The following ATAD3B variants were observed in gnomAD, a reference collection of about 807,000 sequenced individuals.
The protein encoded by ATAD3B is ATPase family AAA domain containing 3B, also known as ATPase family AAA domain-containing protein 3B.
In ATAD3B, 59 loss-of-function variants were observed where a neutral mutation model predicts 70.2. That is an observed-to-expected ratio of 0.84 (90% CI 0.68 to 1.04). The LOEUF (loss-of-function observed/expected upper bound fraction) is 1.04, where lower values mean the gene tolerates loss of function less well. Among genes scored for constraint, ATAD3B ranks in the 50% least tolerant of loss-of-function variants. ATAD3B has a pLI of 0.00. For missense variants in ATAD3B, 961 were observed against 913.4 expected, an observed-to-expected ratio of 1.05 and a Z score of -0.67; for synonymous variants, 423 against 388.6, an observed-to-expected ratio of 1.09 and a Z score of -1.04.
the ATAD3B span, among the ~76,000 whole-genome samples, chr1:1,507,228 C>A: frequency 6.6e-6 from 1 of 152,174 alleles, no homozygotes; most frequent in Non-Finnish European, 1.5e-5. Context: ...GGAATAGAAG[C>A]AGTAAAGCAT....
rs1201372099 is a variant in ATAD3B, at chr1:1,479,247, C to T, written c.444+139C>T. ...GGGTGCTAGAGCAGGGGAAACTACT[C>T]GGACAGACACGCACCAGCACACGTG... On this transcript the variant is annotated intron_variant, in intron 4 of 15. Coordinates refer to ENST00000673477, the MANE Select transcript of ATAD3B (RefSeq NM_031921.6). The T allele has an allele frequency of 3.6e-5, 36 of 997,844 alleles. 3 individuals carry two copies. Among genetic ancestry groups the T allele is most frequent in the East Asian group, 1.7e-4 (6 of 34,618 alleles). 61.8% of individuals were successfully genotyped at this position (997,844 alleles called of 1,614,324 possible). A position where few individuals can be genotyped will look rare whatever the true frequency, so the allele number is the denominator to read the frequency against.
At chr1:1,501,169 A>G (rs891508755), downstream of ATAD3B, among the ~76,000 whole-genome samples, 4 of 151,754 alleles carry the variant, frequency 2.6e-5, no homozygotes, top group Admixed American at 2.0e-4. Context: ...GCTCAGTGCA[A>G]CCTCCACCTC....
intron 1 of ATAD3B, among the ~76,000 whole-genome samples, chr1:1,475,792 C>T (rs531553141): frequency 3.3e-5 from 5 of 151,748 alleles, no homozygotes; most frequent in Admixed American, 2.6e-4. Flanking sequence ...TTCTAATAAC[C>T]GAGAGGCCAC....
At chr1:1,503,935 T>C in the ATAD3B span, among the ~76,000 whole-genome samples, 1 of 152,146 alleles carries the variant, frequency 6.6e-6, no homozygotes, top group Non-Finnish European at 1.5e-5. Flanking sequence ...CTCATTTCTT[T>C]TCACTCAGCA....
rs980414030 is a variant in ATAD3B at position 1,472,934 on chromosome 1, T to G, written c.205+845T>G. Among the ~76,000 whole-genome samples, 20 of 150,434 alleles carry G rather than the reference T, an allele frequency of 1.3e-4. 2 individuals carry two copies. Among genetic ancestry groups the G allele is most frequent in the African/African-American group, 4.7e-4 (19 of 40,860 alleles). ...CTGCAACCTCCGCCTCCGATTCTCC[T>G]GCCGCAGCCTCTCGAGTAGCTGGGA... On this transcript the variant is annotated intron_variant, in intron 1 of 15. Transcript: ENST00000673477.
chr1:1,490,767 G>A, intron 15 of ATAD3B, 96 bp downstream of exon 15: 1 of 1,513,408 alleles, frequency 6.6e-7, no homozygotes, highest in Non-Finnish European at 8.9e-7. Context: ...GTGTCATGTG[G>A]GAGCTTCTGT....
intron 15 of ATAD3B, among the ~76,000 whole-genome samples, chr1:1,494,616 G>A (rs112806684): frequency 0.07 from 10,634 of 151,946 alleles, 474 homozygotes; most frequent in East Asian, 0.14. Context: ...CGGGCACCAC[G>A]TGGTCATCCC....
intron 15 of ATAD3B, among the ~76,000 whole-genome samples, chr1:1,494,147 T>C (rs1640664978): frequency 6.6e-6 from 1 of 151,490 alleles, no homozygotes. Flanking sequence ...GAACATCATG[T>C]GTCACTGTTG....
chr1:1,480,642 G>A (rs1470740989), intron 4 of ATAD3B, among the ~76,000 whole-genome samples: 1 of 147,248 alleles, frequency 6.8e-6, no homozygotes, highest in Admixed American at 6.9e-5. Context: ...CACAGTGGGG[G>A]CTGTTTCTGC....
rs146505120 is a variant in ATAD3B, at chr1:1,495,793, C to A, written c.1923C>A (p.Cys641Ter). 6.3e-7 allele frequency: 1 copy of A among 1,591,202 alleles called. No homozygotes were observed. Residue 641 changes from cysteine (C) to a stop codon, truncating the protein, a stop_gained, in exon 16 of 16, where the codon TGC becomes TGA. Coordinates refer to ENST00000673477, the MANE Select transcript of ATAD3B (RefSeq NM_031921.6). LOFTEE classifies it low-confidence loss of function (END_TRUNC). The stretch of plus-strand genomic sequence containing the variant: ...CTTGTGGTGGCGGTCGGCCGTTCTG[C>A]CCCCCAGGGCACCCCCTGTTGTAGG... ...RMSCGGGRPF[C>*]PPGHPLL
chr1:1,478,128 C>A (rs372554613), intron 2 of ATAD3B: 10 of 222,786 alleles, frequency 4.5e-5, no homozygotes, highest in African/African-American at 1.8e-4. Flanking sequence ...TTCCGAGCAG[C>A]TGGGACTACA....
chr1:1,478,347 C>T, intron 2 of ATAD3B: 1 of 1,354,742 alleles, frequency 7.4e-7, no homozygotes, highest in Non-Finnish European at 9.9e-7. Context: ...CATCACAGTC[C>T]AAAAGTGAGC....
chr1:1,490,753 A>T, intron 15 of ATAD3B, 82 bp downstream of exon 15: 1 of 1,523,190 alleles, frequency 6.6e-7, no homozygotes, highest in Non-Finnish European at 8.8e-7. Context: ...CTGTCCCAGC[A>T]CCGGTGTCAT....
intron 15 of ATAD3B, among the ~76,000 whole-genome samples, chr1:1,492,431 A>G (rs1640584451): frequency 6.6e-6 from 1 of 151,786 alleles, no homozygotes; most frequent in African/African-American, 2.4e-5. Context: ...GGATGCGGTG[A>G]GCTGAGATCA....
At chr1:1,477,579 G>A (rs370416964) in intron 2 of ATAD3B, among the ~76,000 whole-genome samples, 14 of 151,796 alleles carry the variant, frequency 9.2e-5, no homozygotes, top group South Asian at 4.2e-4. Context: ...GCGTCTGGTC[G>A]TCCTGAGGGA....
rs1640395918 is a variant in ATAD3B, at chr1:1,489,219, G to C, written c.1282G>C (p.Asp428His). The C allele has an allele frequency of 2.5e-6, 4 of 1,613,426 alleles. No homozygotes were observed. Among genetic ancestry groups the C allele is most frequent in the Non-Finnish European group, 3.4e-6 (4 of 1,179,636 alleles). ...CTCTCTGCAGGAGGAGATAAGCAAG[G>C]ACCTCAGAGCCACACTGAACGCCTT... Reference protein sequence around the residue: ...RKRATEEISKDLRATLNAFLY... With the variant: ...RKRATEEISKHLRATLNAFLY... The change falls in exon 13 of 16, where the codon GAC (aspartate) becomes CAC (histidine). Residue 428 changes from aspartate (D) to histidine (H), a missense_variant. Asp to His is a moderately conservative substitution (Grantham distance 81). Transcript: ENST00000673477.
At chr1:1,503,702 T>C in the ATAD3B span, 6 of 1,605,364 alleles carry the variant, frequency 3.7e-6, no homozygotes, top group Non-Finnish European at 5.1e-6. Flanking sequence ...GGGGCGCACA[T>C]GGGGTTCGGG....
chr1:1,495,527 A>G lies in ATAD3B; in HGVS notation c.1657A>G (p.Met553Val), dbSNP rs759632847. 9.9e-6 allele frequency: 16 copies of G among 1,612,232 alleles called. No individual in the cohort carries two copies. Among genetic ancestry groups the G allele is most frequent in the East Asian group, 2.2e-5 (1 of 44,878 alleles). ...ASKDGVLTEA[M>V]MDACVQDAVQ... ...CAAGGACGGGGTCCTCACTGAGGCC[A>G]TGATGGACGCCTGTGTGCAAGATGC... The change falls in exon 16 of 16, where the codon ATG (methionine) becomes GTG (valine). Residue 553 changes from methionine (M) to valine (V), a missense_variant. Coordinates refer to ENST00000673477, the MANE Select transcript of ATAD3B (RefSeq NM_031921.6).
chr1:1,477,310 A>C lies in ATAD3B; in HGVS notation c.242A>C (p.Gln81Pro). ...GAGGCCCTGAATCTGGCGCAGATGC[A>C]GGAGCAGACGCTGCAGTTGGAGCAA... ...AKEALNLAQM[Q>P]EQTLQLEQQS... The change falls in exon 2 of 16, where the codon CAG becomes CCG. Residue 81 changes from glutamine to proline, a missense_variant. Physicochemically the swap from Gln to Pro is moderately conservative, Grantham distance 76. This residue lies in a region of ATAD3B where 187 missense variants were observed against 244.3 expected (regional missense o/e 0.77). Transcript: ENST00000673477. The C allele has an allele frequency of 6.2e-7, 1 of 1,612,376 alleles. No individual in the cohort carries two copies.
Sources: gnomAD v4.1 joint callset for allele counts (sites outside exome capture counted in the v4.1 genomes callset) on GRCh38, gnomAD v4.1.1 for gene constraint, gnomAD v4.1.1 regional missense constraint, MANE v1.5 for transcripts, NCBI Gene and HGNC (gene_info 2026-07-23, HGNC 2026-07-21) for gene names.